Variants in TBKBP1 observed in about 807,000 individuals in gnomAD.
TBKBP1 encodes TANK-binding kinase 1-binding protein 1.
Under a neutral mutation model 69.9 loss-of-function variants are expected in TBKBP1, and 47 were observed. The ratio of observed to expected loss-of-function variants is 0.67; its 90% CI spans 0.53 to 0.86. TBKBP1 has a LOEUF of 0.86. TBKBP1 is among the 40% of genes least tolerant of loss of function. The pLI is 0.00. For synonymous variants in TBKBP1, 418 were observed against 390.3 expected (o/e 1.07, Z -0.84); for missense variants, 831 against 858.6 (o/e 0.97, Z 0.40).
intron 7 of TBKBP1, among the ~76,000 whole-genome samples, chr17:47,706,828 GACAC>G (rs55849029): frequency 0.029 from 3,918 of 134,168 alleles, 80 homozygotes; most frequent in East Asian, 0.098. Flanking sequence ...GTTAGACTTA[GACAC>G]ACACACACAC....
intron 7 of TBKBP1, among the ~76,000 whole-genome samples, chr17:47,704,616 G>C (rs2031635118): frequency 6.6e-6 from 1 of 152,144 alleles, no homozygotes; most frequent in Non-Finnish European, 1.5e-5. Context: ...TGACCACATG[G>C]ACAGCTCTAA....
chr17:47,706,283 C>T (rs963147664), intron 7 of TBKBP1, among the ~76,000 whole-genome samples: 3 of 152,200 alleles, frequency 2.0e-5, no homozygotes, highest in African/African-American at 7.2e-5. Context: ...CCTCCAAAAA[C>T]CGCCAGTCTG....
chr17:47,709,221 C>A lies in TBKBP1; in HGVS notation c.1488C>A (p.Leu496=). 6.5e-7 allele frequency: 1 copy of A among 1,527,026 alleles called. No individual in the cohort carries two copies. The highest frequency in any genetic ancestry group is 1.4e-5 in the African/African-American group (1 of 69,948). 94.6% of individuals were successfully genotyped at this position (1,527,026 alleles called of 1,614,324 possible). Residue 496 remains leucine, a synonymous_variant, in exon 9 of 10, where the codon CTC becomes CTA. Transcript: ENST00000578982. ...AGCCCCGGGCCTACGGCAGCGAGCT[C>A]TACGGCCCTGGCAGGCCCCTCAGCC... The part of the protein sequence containing the change: ...LPKPRAYGSE[L]YGPGRPLSPR...
Position 47,698,713 on chromosome 17 carries a change from C to T in TBKBP1, c.572C>T (p.Pro191Leu). The T allele has an allele frequency of 2.5e-6, 4 of 1,607,978 alleles. No homozygotes were observed. Among genetic ancestry groups the T allele is most frequent in the Non-Finnish European group, 3.4e-6 (4 of 1,177,320 alleles). The part of the protein sequence containing the change: ...SNLSPPPAPA[P>L]PCTDLDLHYL... ...CTGAGCCCACCGCCAGCCCCCGCCCCTCCCTGCACTGATTTAGACCTGCAC... is the reference window on the plus strand; with the variant it reads ...CTGAGCCCACCGCCAGCCCCCGCCCTTCCCTGCACTGATTTAGACCTGCAC... Residue 191 changes from proline to leucine, a missense_variant, in exon 5 of 10, where the codon CCT becomes CTT. Transcript: ENST00000578982.
intron 7 of TBKBP1, 75 bp downstream of exon 7, chr17:47,699,772 G>C: frequency 1.3e-6 from 2 of 1,561,378 alleles, no homozygotes; most frequent in African/African-American, 1.4e-5. Context: ...GGGGTGTGGT[G>C]TCTGGGCTGC....
Position 47,695,955 on chromosome 17 carries a change from C to G in TBKBP1, c.-34-124C>G, listed in dbSNP as rs535804693. 8.2e-6 allele frequency: 5 copies of G among 608,128 alleles called. No homozygotes were observed. In the African/African-American group the frequency reaches 9.2e-5, roughly 11 times the overall value. 37.7% of individuals were successfully genotyped at this position (608,128 alleles called of 1,614,324 possible). The stretch of plus-strand genomic sequence containing the variant: ...AGGGGCCATGGGAGTCCCTGCTGAG[C>G]TCGGGGCAGGAAGTTTCTGGGTTGC... On this transcript the variant is annotated intron_variant, in intron 1 of 9. Coordinates refer to ENST00000578982, the MANE Select transcript of TBKBP1 (RefSeq NM_001394755.1).
At chr17:47,705,270 C>G (rs1480110159) in intron 7 of TBKBP1, among the ~76,000 whole-genome samples, 1 of 152,210 alleles carries the variant, frequency 6.6e-6, no homozygotes, top group Non-Finnish European at 1.5e-5. Flanking sequence ...CCCAGCAACT[C>G]CATTGCTAGT....
chr17:47,698,339 A>G (rs190728092), intron 4 of TBKBP1, among the ~76,000 whole-genome samples: 4 of 152,316 alleles, frequency 2.6e-5, no homozygotes, highest in Non-Finnish European at 5.9e-5. Context: ...TGGCCTCCAA[A>G]CAGGGGGCTG....
In TBKBP1 at chr17:47,696,199, C is replaced by A; in HGVS notation, c.87C>A (p.Asp29Glu). The A allele has an allele frequency of 6.2e-7, 1 of 1,613,704 alleles. No individual in the cohort carries two copies. Among genetic ancestry groups the A allele is most frequent in the Non-Finnish European group, 8.5e-7 (1 of 1,179,864 alleles). ...PSEVWLDSPG[D>E]PSLGGDMCSA... ...AGGTGTGGCTGGACAGTCCCGGAGA[C>A]CCCTCGCTTGGGGGCGACATGTGCT... The change falls in exon 2 of 10, where the codon GAC becomes GAA. Residue 29 changes from aspartate to glutamate, a missense_variant. Coordinates refer to ENST00000578982, the MANE Select transcript of TBKBP1 (RefSeq NM_001394755.1).
chr17:47,705,999 G>A (rs2031683056), intron 7 of TBKBP1, among the ~76,000 whole-genome samples: 1 of 152,192 alleles, frequency 6.6e-6, no homozygotes. Flanking sequence ...ACTGTGAGAA[G>A]GATGCCAGGG....
chr17:47,707,785 T>C (rs1347720573), intron 7 of TBKBP1, among the ~76,000 whole-genome samples: 1 of 152,014 alleles, frequency 6.6e-6, no homozygotes, highest in Non-Finnish European at 1.5e-5. Context: ...TGGCTTGGGG[T>C]TAAGTTTATC....
At chr17:47,698,914 G>C (rs1241344312) in intron 5 of TBKBP1, 139 bp downstream of exon 5, 1 of 873,022 alleles carries the variant, frequency 1.1e-6, no homozygotes, top group Non-Finnish European at 1.7e-6. Context: ...CTTACCTGCT[G>C]TCCCCTCACC....
At chr17:47,700,696 A>G (rs1311445276) in intron 7 of TBKBP1, among the ~76,000 whole-genome samples, 2 of 152,014 alleles carry the variant, frequency 1.3e-5, no homozygotes, top group African/African-American at 2.4e-5. Context: ...AGAGGTTTCC[A>G]TGGGTTCACA....
At position 47,710,901 on chromosome 17, in the gene TBKBP1, C is replaced by A; in HGVS notation, c.*275C>A. 1 of 349,270 alleles carries A rather than the reference C, an allele frequency of 2.9e-6. No homozygotes were observed. The allele number at this position is 349,270 out of a possible 1,614,324, so 21.6% of individuals were successfully genotyped here. A position where few individuals can be genotyped will look rare whatever the true frequency, so the allele number is the denominator to read the frequency against. On this transcript the variant is annotated 3_prime_UTR_variant, in exon 10 of 10. Transcript: ENST00000578982. The stretch of plus-strand genomic sequence containing the variant: ...TGGGATGGGGACGGCATACCCCTCC[C>A]AGGCCTCTCCCTCTGCCTTTCTGTT...
In TBKBP1 at chr17:47,709,400, C is replaced by A; in HGVS notation, c.1667C>A (p.Ala556Asp). 1 of 1,537,562 alleles carries A rather than the reference C, an allele frequency of 6.5e-7. No homozygotes were observed. Among genetic ancestry groups the A allele is most frequent in the Non-Finnish European group, 8.7e-7 (1 of 1,149,656 alleles). Reference sequence around the variant, plus strand: ...GGCTTCCCCATCCCCGAGTCGCCCGCCGCCACCGCCTACGCCCACGCCGAG... The same window carrying A: ...GGCTTCCCCATCCCCGAGTCGCCCGACGCCACCGCCTACGCCCACGCCGAG... ...CAGFPIPESP[A>D]ATAYAHAEHA... Residue 556 changes from alanine (A) to aspartate (D), a missense_variant, in exon 9 of 10, where the codon GCC (alanine) becomes GAC (aspartate). Ala to Asp is a moderately radical substitution (Grantham distance 126). Coordinates refer to ENST00000578982, the MANE Select transcript of TBKBP1 (RefSeq NM_001394755.1).
chr17:47,695,838 C>T (rs530627367), intron 1 of TBKBP1: 2 of 384,358 alleles, frequency 5.2e-6, no homozygotes, highest in South Asian at 6.1e-5. Context: ...TTACTTGTCC[C>T]TACTTGTCAA....
At chr17:47,699,804 C>A in intron 7 of TBKBP1, 107 bp downstream of exon 7, 20 of 1,209,812 alleles carry the variant, frequency 1.7e-5, no homozygotes, top group Non-Finnish European at 2.3e-5. Flanking sequence ...GTGCATCCTT[C>A]ATAGGAAGGA....
chr17:47,696,671 C>T (rs746162069), intron 2 of TBKBP1, 40 bp from the exon 3 acceptor site: 3 of 1,613,384 alleles, frequency 1.9e-6, no homozygotes, highest in Middle Eastern at 1.6e-4. Flanking sequence ...GGGCTGGGCA[C>T]CCGGGAATCC....
Position 47,708,593 on chromosome 17 carries a change from G to A in TBKBP1, c.991+81G>A. The A allele has an allele frequency of 1.3e-6, 2 of 1,521,724 alleles. No individual in the cohort carries two copies. The highest frequency in any genetic ancestry group is 9.0e-7 in the Non-Finnish European group (1 of 1,112,624). The allele number at this position is 1,521,724 out of a possible 1,614,324, so 94.3% of individuals were successfully genotyped here. On this transcript the variant is annotated intron_variant, in intron 8 of 9. Coordinates refer to ENST00000578982, the MANE Select transcript of TBKBP1 (RefSeq NM_001394755.1). The surrounding 1 kb of genome is among the most constrained non-coding windows in gnomAD (Gnocchi z 4.4). ...GCCATGGCAACCATCTTGGTCATGG[G>A]GACCACCCTTTATTTCCTTTCCTGT...
Sources: gnomAD v4.1 joint callset for allele counts (sites outside exome capture counted in the v4.1 genomes callset) on GRCh38, gnomAD v4.1.1 for gene constraint, Gnocchi (gnomAD v3.1) non-coding constraint, MANE v1.5 for transcripts, NCBI Gene and HGNC (gene_info 2026-07-23, HGNC 2026-07-21) for gene names.